Variants in ZNF704 observed in about 807,000 individuals in gnomAD.
ZNF704 encodes glucocorticoid induced gene 1.
In ZNF704, 10 loss-of-function variants were observed where a neutral mutation model predicts 44.7. The observed-to-expected ratio is 0.22, with a 90% CI of 0.14 to 0.38. The LOEUF is 0.38. Among genes scored for constraint, ZNF704 ranks in the 10% least tolerant of loss-of-function variants. The pLI, the probability that ZNF704 is intolerant of heterozygous loss-of-function variation, is 1.00. For missense variants in ZNF704, 390 were observed against 545.5 expected (o/e 0.71, Z 2.84); for synonymous variants, 211 against 207.6 (o/e 1.02, Z -0.14).
chr8:80,801,636 C>T (rs1181481765), intron 2 of ZNF704, among the ~76,000 whole-genome samples: 2 of 152,042 alleles, frequency 1.3e-5, no homozygotes, highest in African/African-American at 4.8e-5. Flanking sequence ...AGAGACAACA[C>T]ATCAGAATCT....
Position 80,749,169 on chromosome 8 carries a change from C to T in ZNF704, c.222-56062G>A, listed in dbSNP as rs146244845. Among the ~76,000 whole-genome samples, 865 of 152,188 alleles carry T rather than the reference C, an allele frequency of 5.7e-3. 8 individuals carry two copies. Among genetic ancestry groups the T allele is most frequent in the African/African-American group, 0.02 (828 of 41,512 alleles). ...CTTCACCTCCCTAGTAGATCAGGAG[C>T]CCTTTATTTACTCTTTTATTCGTAG... On this transcript the variant is annotated intron_variant, in intron 2 of 8. Coordinates refer to ENST00000327835, the MANE Select transcript of ZNF704 (RefSeq NM_001033723.3).
chr8:80,695,534 C>T (rs759148913), intron 2 of ZNF704, among the ~76,000 whole-genome samples: 1 of 152,212 alleles, frequency 6.6e-6, no homozygotes, highest in Non-Finnish European at 1.5e-5. Context: ...TGCTAAACAA[C>T]CTTTTTCCGT....
At chr8:80,789,250 C>G (rs544075110) in intron 2 of ZNF704, among the ~76,000 whole-genome samples, 32 of 152,232 alleles carry the variant, frequency 2.1e-4, no homozygotes, top group Middle Eastern at 3.4e-3. Context: ...GTGTGGACAT[C>G]ATCATGCACT....
At chr8:80,848,800 A>T (rs1808810250) in intron 1 of ZNF704, among the ~76,000 whole-genome samples, 1 of 151,994 alleles carries the variant, frequency 6.6e-6, no homozygotes, top group Non-Finnish European at 1.5e-5. Flanking sequence ...AACTAAAAGA[A>T]AAGGTTAAAA....
chr8:80,641,881 G>A (rs1817750577), intron 8 of ZNF704, among the ~76,000 whole-genome samples: 1 of 152,166 alleles, frequency 6.6e-6, no homozygotes, highest in African/African-American at 2.4e-5. Context: ...TGTGCTGGTT[G>A]TTTTCACAGC....
At chr8:80,661,095 T>C (rs893798049) in intron 6 of ZNF704, among the ~76,000 whole-genome samples, 6 of 151,948 alleles carry the variant, frequency 3.9e-5, no homozygotes, top group Admixed American at 2.6e-4. Flanking sequence ...AACAACTCAA[T>C]AGCAAAAACC....
At position 80,650,030 on chromosome 8, in the gene ZNF704, G is replaced by A. The variant is rs866320170; in HGVS notation, c.1033-6901C>T. Among the ~76,000 whole-genome samples the A allele has an allele frequency of 4.6e-5, 7 of 152,182 alleles. 1 individual carries two copies. In the South Asian group the frequency reaches 6.2e-4, roughly 14 times the overall value. On this transcript the variant is annotated intron_variant, in intron 7 of 8. Transcript: ENST00000327835. Reference sequence around the variant, plus strand: ...CAATAACCACTGTTCTGCAGCCTCCGCTGCTGATACCCAGGCAAACAGGGT... The same window carrying A: ...CAATAACCACTGTTCTGCAGCCTCCACTGCTGATACCCAGGCAAACAGGGT...
At chr8:80,731,534 A>G (rs1237453415) in intron 2 of ZNF704, among the ~76,000 whole-genome samples, 1 of 152,252 alleles carries the variant, frequency 6.6e-6, no homozygotes, top group Non-Finnish European at 1.5e-5. Context: ...TATGAATTTC[A>G]ACTATCACTA....
At chr8:80,682,232 T>C (rs766473715) in intron 4 of ZNF704, among the ~76,000 whole-genome samples, 4 of 152,260 alleles carry the variant, frequency 2.6e-5, no homozygotes, top group South Asian at 2.1e-4. Context: ...AAGTGATTCA[T>C]AGCTTTTTGG....
In ZNF704 at chr8:80,670,541, T is replaced by A; in HGVS notation, c.621A>T (p.Ala207=). The part of the protein sequence containing the change: ...WKNCGKVLST[A]AGIQKHIRTI... ...TTCGGATGTGTTTCTGGATACCTGC[T>A]GCAGTGCTCAGCACCTTCCCACAGT... The change falls in exon 5 of 9, where the codon GCA becomes GCT. Residue 207 remains alanine (A), a synonymous_variant. Transcript: ENST00000327835. The A allele has an allele frequency of 6.2e-7, 1 of 1,614,194 alleles. No homozygotes were observed. Among genetic ancestry groups the A allele is most frequent in the Non-Finnish European group, 8.5e-7 (1 of 1,180,024 alleles).
At chr8:80,773,398 T>C (rs1807357801) in intron 2 of ZNF704, among the ~76,000 whole-genome samples, 1 of 152,210 alleles carries the variant, frequency 6.6e-6, no homozygotes, top group African/African-American at 2.4e-5. Flanking sequence ...ATATCTTATG[T>C]CCTTTTAGTC....
At chr8:80,810,123 C>G (rs953304273) in intron 2 of ZNF704, among the ~76,000 whole-genome samples, 1 of 152,184 alleles carries the variant, frequency 6.6e-6, no homozygotes, top group Non-Finnish European at 1.5e-5. Flanking sequence ...CTTTCAGTGT[C>G]AACACTTGTA....
At chr8:80,842,161 T>G (rs541464985) in intron 1 of ZNF704, among the ~76,000 whole-genome samples, 24 of 151,826 alleles carry the variant, frequency 1.6e-4, no homozygotes, top group African/African-American at 5.6e-4. Context: ...AGGAAAAGAG[T>G]CTTTGTTTGC....
chr8:80,716,979 G>A, intron 2 of ZNF704, among the ~76,000 whole-genome samples: 1 of 152,164 alleles, frequency 6.6e-6, no homozygotes. Flanking sequence ...GCTAAGAAAG[G>A]CCAATTAAAA....
At chr8:80,673,996 T>A (rs77384337) in intron 4 of ZNF704, among the ~76,000 whole-genome samples, 1 of 152,212 alleles carries the variant, frequency 6.6e-6, no homozygotes, top group Non-Finnish European at 1.5e-5. Context: ...CATGATGTTC[T>A]ACCTGCAGTG....
At chr8:80,863,586 G>C (rs1398881695) in intron 1 of ZNF704, among the ~76,000 whole-genome samples, 4 of 152,108 alleles carry the variant, frequency 2.6e-5, no homozygotes, top group African/African-American at 9.7e-5. Context: ...ATAAAATGGG[G>C]ATAATAATAT....
intron 7 of ZNF704, among the ~76,000 whole-genome samples, chr8:80,653,474 CAG>C (rs1229429900): frequency 6.6e-6 from 1 of 152,182 alleles, no homozygotes; most frequent in Non-Finnish European, 1.5e-5. Flanking sequence ...AGCAAAGTCT[CAG>C]GATACAAAAT....
chr8:80,723,894 C>T (rs945019124), intron 2 of ZNF704, among the ~76,000 whole-genome samples: 8 of 152,128 alleles, frequency 5.3e-5, no homozygotes, highest in Non-Finnish European at 8.8e-5. Context: ...TCAACTGTTC[C>T]AACATTTCAA....
At chr8:80,653,316 C>T (rs1817954552) in intron 7 of ZNF704, among the ~76,000 whole-genome samples, 1 of 152,084 alleles carries the variant, frequency 6.6e-6, no homozygotes, top group African/African-American at 2.4e-5. Flanking sequence ...AAGTTCTGGC[C>T]AGGGCAATCA....
Sources: allele counts gnomAD v4.1 joint callset (sites outside exome capture counted in the v4.1 genomes callset), GRCh38; gene constraint gnomAD v4.1.1; transcripts MANE v1.5; gene names NCBI Gene and HGNC (gene_info 2026-07-23, HGNC 2026-07-21).